Variants in LAMC1 observed in about 807,000 individuals in gnomAD.
LAMC1 encodes the protein laminin subunit gamma-1.
LAMC1 carries 38 observed loss-of-function variants against 173.6 expected under a neutral mutation model. The observed-to-expected ratio is 0.22, with a 90% CI of 0.17 to 0.29. The LOEUF (loss-of-function observed/expected upper bound fraction) is 0.29, where lower values mean the gene tolerates loss of function less well. LAMC1 is among the 10% of genes least tolerant of loss of function. LAMC1 has a pLI of 1.00. For missense variants in LAMC1, 1,824 were observed against 2,051.8 expected, an observed-to-expected ratio of 0.89 and a Z score of 2.14; for synonymous variants, 746 against 749.1, an observed-to-expected ratio of 1.00 and a Z score of 0.07.
intron 1 of LAMC1, among the ~76,000 whole-genome samples, chr1:183,059,048 T>C (rs1424412912): frequency 1.3e-5 from 2 of 152,268 alleles, no homozygotes; most frequent in South Asian, 2.1e-4. Flanking sequence ...GTTTTTGTTA[T>C]GCATAGGCAG....
rs763835707 is a variant in LAMC1 at position 183,135,319 on chromosome 1, C to T, written c.4114+163C>T. 5.3e-5 allele frequency among the ~76,000 whole-genome samples: 8 copies of T among 152,070 alleles called. 1 individual carries two copies. The highest frequency in any genetic ancestry group is 8.8e-5 in the Non-Finnish European group (6 of 68,036). On this transcript the variant is annotated intron_variant, in intron 24 of 27. Coordinates refer to ENST00000258341, the MANE Select transcript of LAMC1 (RefSeq NM_002293.4). The stretch of plus-strand genomic sequence containing the variant: ...TCCCAGAGCTCCTGTCATTTTATCC[C>T]TGCATACTTCAGTATGGATTTTTTT...
At chr1:183,112,248 A>ATATT (rs1308631219) in intron 4 of LAMC1, among the ~76,000 whole-genome samples, 1 of 152,214 alleles carries the variant, frequency 6.6e-6, no homozygotes, top group African/African-American at 2.4e-5. Flanking sequence ...CTGAACTGTA[A>ATATT]TATTCAGTGT....
chr1:183,051,263 C>T (rs1279393652), intron 1 of LAMC1, among the ~76,000 whole-genome samples: 1 of 152,174 alleles, frequency 6.6e-6, no homozygotes, highest in Non-Finnish European at 1.5e-5. Flanking sequence ...AGAGGATGGG[C>T]AGCTTCCACC....
rs368267733 is a variant in LAMC1 at position 183,127,668 on chromosome 1, G to A, written c.3123+264G>A. On this transcript the variant is annotated intron_variant, in intron 17 of 27. Transcript: ENST00000258341. ...GGCCTCTCTACAGAATTCATCTAAG[G>A]TGAGATCTGATGGATACAAAGGAAT... 2.0e-5 allele frequency among the ~76,000 whole-genome samples: 3 copies of A among 152,206 alleles called. No homozygotes were observed. The South Asian group carries it at 6.2e-4, about 32-fold the overall frequency.
rs746315868 is a variant in LAMC1 at position 183,121,811 on chromosome 1, T to G, written c.2079T>G (p.Pro693=). Residue 693 remains proline, a synonymous_variant, in exon 12 of 28, where the codon CCT becomes CCG. Coordinates refer to ENST00000258341, the MANE Select transcript of LAMC1 (RefSeq NM_002293.4). The part of the protein sequence containing the change: ...PATWVESCTC[P]VGYGGQFCEM... ...CTTGGGTGGAGTCCTGCACCTGTCC[T>G]GTGGGATATGGAGGGCAGTTTTGTG... The G allele has an allele frequency of 6.2e-7, 1 of 1,614,188 alleles. No individual in the cohort carries two copies. The highest frequency in any genetic ancestry group is 8.5e-7 in the Non-Finnish European group (1 of 1,180,022).
chr1:183,117,424 C>G lies in LAMC1; in HGVS notation c.1669C>G (p.Arg557Gly), dbSNP rs150392886. The G allele has an allele frequency of 6.2e-7, 1 of 1,613,568 alleles. No homozygotes were observed. Among genetic ancestry groups the G allele is most frequent in the Non-Finnish European group, 8.5e-7 (1 of 1,179,684 alleles). ...IAVISDSYFP[R>G]YFIAPAKFLG... The stretch of plus-strand genomic sequence containing the variant: ...CGTGATCTCAGACAGCTACTTTCCT[C>G]GGTACTTCATTGCTCCTGGTAAGTA... Residue 557 changes from arginine to glycine, a missense_variant, in exon 9 of 28, where the codon CGG (arginine) becomes GGG (glycine). Arg to Gly is a moderately radical substitution (Grantham distance 125). Transcript: ENST00000258341.
Position 183,126,164 on chromosome 1 carries a change from T to G in LAMC1, c.2846T>G (p.Ile949Ser), listed in dbSNP as rs1656613266. ...GGCTCCACCAATGGGCAGTGTGACA[T>G]CCGCACCGGCCAGTGTGAGTGCCAG... ...ALGSTNGQCDIRTGQCECQPG... is the reference protein window; with the variant it reads ...ALGSTNGQCDSRTGQCECQPG... Residue 949 changes from isoleucine to serine, a missense_variant, in exon 16 of 28, where the codon ATC becomes AGC. Ile to Ser is a moderately radical substitution (Grantham distance 142). Transcript: ENST00000258341. 1 of 1,614,044 alleles carries G rather than the reference T, an allele frequency of 6.2e-7. No homozygotes were observed. The highest frequency in any genetic ancestry group is 1.3e-5 in the African/African-American group (1 of 74,914).
chr1:183,139,920 C>T (rs1341722664), intron 26 of LAMC1, among the ~76,000 whole-genome samples: 1 of 152,042 alleles, frequency 6.6e-6, no homozygotes, highest in South Asian at 2.1e-4. Flanking sequence ...CAGAAGAGAA[C>T]TCCTAGAAGA....
intron 2 of LAMC1, among the ~76,000 whole-genome samples, chr1:183,104,247 T>A (rs1339430197): frequency 9.2e-5 from 14 of 152,266 alleles, no homozygotes; most frequent in Admixed American, 9.2e-4. Flanking sequence ...CCCATAGCAC[T>A]GTACTTAAAC....
At chr1:183,077,855 A>G (rs1221940257) in intron 1 of LAMC1, among the ~76,000 whole-genome samples, 1 of 148,326 alleles carries the variant, frequency 6.7e-6, no homozygotes, top group Admixed American at 6.8e-5. Context: ...TGGTTCCACG[A>G]TTTTGCGATT....
At chr1:183,074,938 C>T (rs995932126) in intron 1 of LAMC1, among the ~76,000 whole-genome samples, 2 of 152,064 alleles carry the variant, frequency 1.3e-5, no homozygotes, top group African/African-American at 4.8e-5. Flanking sequence ...TTTACTTCCT[C>T]CCAAATTCAG....
chr1:183,073,515 A>G (rs1655059634), intron 1 of LAMC1, among the ~76,000 whole-genome samples: 2 of 152,148 alleles, frequency 1.3e-5, no homozygotes, highest in Admixed American at 1.3e-4. Flanking sequence ...TAAAGGGAAA[A>G]CAGAAATACA....
intron 5 of LAMC1, 45 bp from the exon 6 acceptor site, chr1:183,115,475 T>A (rs1656291664): frequency 2.4e-6 from 3 of 1,271,082 alleles, no homozygotes. Flanking sequence ...TTTACTTACG[T>A]ATCTGGCCGA....
chr1:183,047,620 TA>T (rs1187677151), intron 1 of LAMC1, among the ~76,000 whole-genome samples: 1 of 152,200 alleles, frequency 6.6e-6, no homozygotes, highest in Non-Finnish European at 1.5e-5. Flanking sequence ...TGGGGATAGA[TA>T]GACCCATGTG....
At chr1:183,037,831 A>C (rs1654022882) in intron 1 of LAMC1, among the ~76,000 whole-genome samples, 1 of 151,290 alleles carries the variant, frequency 6.6e-6, no homozygotes, top group South Asian at 2.1e-4. Flanking sequence ...TGCCCACCAC[A>C]CTCTACCACT....
At chr1:183,026,252 T>C (rs981998507) in intron 1 of LAMC1, among the ~76,000 whole-genome samples, 1 of 152,202 alleles carries the variant, frequency 6.6e-6, no homozygotes, top group Non-Finnish European at 1.5e-5. Context: ...TGTAAAAATA[T>C]GTACTTTAAA....
Position 183,122,252 on chromosome 1 carries a change from G to C in LAMC1, c.2401+1G>C. ...ACCAACTGTCCTACTGGCACCACTGGTAAGTCTGCTCGCTTCATCTGCTTT... is the reference window on the plus strand; with the variant it reads ...ACCAACTGTCCTACTGGCACCACTGCTAAGTCTGCTCGCTTCATCTGCTTT... On this transcript the variant is annotated splice_donor_variant, in intron 13 of 27. Transcript: ENST00000258341. LOFTEE classifies it high-confidence loss of function. 1 of 1,613,786 alleles carries C rather than the reference G, an allele frequency of 6.2e-7. No individual in the cohort carries two copies. The highest frequency in any genetic ancestry group is 8.5e-7 in the Non-Finnish European group (1 of 1,179,790).
intron 1 of LAMC1, among the ~76,000 whole-genome samples, chr1:183,047,059 TG>T (rs757534062): frequency 5.3e-4 from 81 of 152,260 alleles, no homozygotes; most frequent in Non-Finnish European, 1.0e-3. Context: ...AGAAATGTTT[TG>T]GGTACAGGTT....
intron 1 of LAMC1, among the ~76,000 whole-genome samples, chr1:183,071,092 G>GTT (rs528876090): frequency 0.021 from 2,914 of 139,142 alleles, 54 homozygotes; most frequent in South Asian, 0.082. Context: ...TTTTGTTTTT[G>GTT]TTTTTTTTTT....
Sources: gnomAD v4.1 joint callset for allele counts (sites outside exome capture counted in the v4.1 genomes callset) on GRCh38, gnomAD v4.1.1 for gene constraint, MANE v1.5 for transcripts, NCBI Gene and HGNC (gene_info 2026-07-23, HGNC 2026-07-21) for gene names.